Variants in KALRN observed in about 807,000 individuals in gnomAD.
KALRN encodes the protein kalirin.
Under a neutral mutation model 353.7 loss-of-function variants are expected in KALRN, and 70 were observed. That is an observed-to-expected ratio of 0.20 (90% CI 0.16 to 0.24). The LOEUF (loss-of-function observed/expected upper bound fraction) is 0.24, where lower values mean the gene tolerates loss of function less well. KALRN is among the 10% of genes least tolerant of loss of function. The pLI is 1.00. For missense variants in KALRN, 2,791 were observed against 3,756.7 expected, an observed-to-expected ratio of 0.74 and a Z score of 6.72; for synonymous variants, 1,391 against 1,434.8, an observed-to-expected ratio of 0.97 and a Z score of 0.69.
chr3:124,433,596 TAAAAAAAAAAA>T (rs144487793), intron 16 of KALRN, among the ~76,000 whole-genome samples: 1 of 95,142 alleles, frequency 1.1e-5, no homozygotes, highest in African/African-American at 4.0e-5. Context: ...AGACCCTGTC[TAAAAAAAAAAA>T]AAAAAAAAAG....
At chr3:124,411,291 T>A (rs1427733595) in intron 13 of KALRN, among the ~76,000 whole-genome samples, 1 of 152,070 alleles carries the variant, frequency 6.6e-6, no homozygotes, top group African/African-American at 2.4e-5. Context: ...TACATGGGTG[T>A]ATAAAATTGT....
At chr3:124,246,290 T>C (rs554492200) in intron 3 of KALRN, among the ~76,000 whole-genome samples, 1 of 152,372 alleles carries the variant, frequency 6.6e-6, no homozygotes, top group East Asian at 1.9e-4. Flanking sequence ...ATATATTGTG[T>C]ACCTAAACCT....
chr3:124,105,572 G>T (rs562886625), intron 1 of KALRN, among the ~76,000 whole-genome samples: 1 of 152,126 alleles, frequency 6.6e-6, no homozygotes, highest in Non-Finnish European at 1.5e-5. Context: ...TAATAATTTC[G>T]TGGGAATAGA....
intron 6 of KALRN, among the ~76,000 whole-genome samples, chr3:124,314,110 T>C (rs1007419120): frequency 2.0e-5 from 3 of 152,004 alleles, no homozygotes; most frequent in Non-Finnish European, 4.4e-5. Flanking sequence ...CAAATGTCCA[T>C]CAATGATAGA....
At chr3:124,655,456 G>A (rs754640732) in intron 38 of KALRN, 145 bp from the exon 39 acceptor site, 69 of 635,868 alleles carry the variant, frequency 1.1e-4, no homozygotes, top group East Asian at 1.6e-4. Flanking sequence ...GAAAGCATCC[G>A]TAAGCATCTT....
chr3:124,110,991 C>CT (rs1307316936), intron 1 of KALRN, among the ~76,000 whole-genome samples: 9 of 152,252 alleles, frequency 5.9e-5, no homozygotes, highest in African/African-American at 1.4e-4. Context: ...AAGGCAAAAG[C>CT]TTTTTTTGTG....
rs368315453 is a variant in KALRN, at chr3:124,411,219, G to A, written c.2347-2251G>A. On this transcript the variant is annotated intron_variant, in intron 13 of 59. Transcript: ENST00000682506. ...TGGGAAGGGGAGGGATGGATTGGAA[G>A]GGGGCACAAGCAGGTTCTCTAGAGT... Among the ~76,000 whole-genome samples the A allele has an allele frequency of 2.4e-3, 365 of 152,222 alleles. 1 individual carries two copies. The highest frequency in any genetic ancestry group is 8.5e-3 in the African/African-American group (352 of 41,546).
intron 14 of KALRN, among the ~76,000 whole-genome samples, chr3:124,415,096 C>T (rs531927395): frequency 2.6e-5 from 4 of 152,344 alleles, no homozygotes; most frequent in Non-Finnish European, 5.9e-5. Context: ...CTCTGAGACC[C>T]AGGCCTGTTT....
At chr3:124,164,731 A>G (rs2070540544) in intron 1 of KALRN, 1 of 152,124 alleles carries the variant, frequency 6.6e-6, no homozygotes, top group Non-Finnish European at 1.5e-5. Flanking sequence ...TTCCTGTTTT[A>G]TATTTATATT....
chr3:124,237,256 G>T (rs2079892925), intron 3 of KALRN, among the ~76,000 whole-genome samples: 1 of 152,134 alleles, frequency 6.6e-6, no homozygotes, highest in Non-Finnish European at 1.5e-5. Context: ...AGAAGAAATT[G>T]TTTATCTGGG....
intron 25 of KALRN, among the ~76,000 whole-genome samples, chr3:124,468,816 T>G (rs1048250906): frequency 4.6e-5 from 7 of 152,224 alleles, no homozygotes; most frequent in African/African-American, 1.7e-4. Context: ...AAACGCACAC[T>G]TGAAGAGGTA....
In KALRN at chr3:124,064,565, C is replaced by T. The variant is rs79513330; in HGVS notation, c.73+30752C>T. Among the ~76,000 whole-genome samples the T allele has an allele frequency of 2.9e-4, 44 of 152,252 alleles. 1 individual carries two copies. In the East Asian group the frequency reaches 7.7e-3, roughly 27 times the overall value. On this transcript the variant is annotated intron_variant, in intron 1 of 59. Transcript: ENST00000682506. ...GCAACAGTAACTAAGGCCCGTTGCC[C>T]TTGCTGACCTCCCACCGCACACACT...
chr3:124,599,315 C>A (rs949911763), intron 34 of KALRN, among the ~76,000 whole-genome samples: 6 of 152,086 alleles, frequency 3.9e-5, no homozygotes, highest in Non-Finnish European at 7.4e-5. Context: ...AGCTCTCCTG[C>A]CGTTCTTTGG....
intron 1 of KALRN, among the ~76,000 whole-genome samples, chr3:124,038,939 C>T (rs1177668395): frequency 6.6e-6 from 1 of 152,248 alleles, no homozygotes; most frequent in East Asian, 1.9e-4. Context: ...ATTCACAGGG[C>T]ATGGCCCCAG....
intron 13 of KALRN, among the ~76,000 whole-genome samples, chr3:124,399,250 T>C (rs970069698): frequency 1.3e-5 from 2 of 152,236 alleles, no homozygotes; most frequent in African/African-American, 4.8e-5. Flanking sequence ...GCGATTCTTC[T>C]GCCTCAGCCT....
At chr3:124,336,298 T>G (rs554364386) in intron 9 of KALRN, among the ~76,000 whole-genome samples, 1 of 152,154 alleles carries the variant, frequency 6.6e-6, no homozygotes, top group Non-Finnish European at 1.5e-5. Context: ...ATCAGTTGCC[T>G]ACTCCTGCCA....
intron 57 of KALRN, among the ~76,000 whole-genome samples, chr3:124,708,620 C>A (rs2062749105): frequency 6.6e-6 from 1 of 151,648 alleles, no homozygotes; most frequent in African/African-American, 2.4e-5. Context: ...TAGACGTAAC[C>A]CCAGGGACCT....
At chr3:124,542,581 G>A (rs1235159426) in intron 33 of KALRN, among the ~76,000 whole-genome samples, 1 of 152,136 alleles carries the variant, frequency 6.6e-6, no homozygotes, top group African/African-American at 2.4e-5. Flanking sequence ...TGCAGAAATA[G>A]CCCAGAGAGC....
intron 5 of KALRN, among the ~76,000 whole-genome samples, chr3:124,276,955 A>G (rs1348692448): frequency 6.6e-6 from 1 of 152,132 alleles, no homozygotes; most frequent in African/African-American, 2.4e-5. Context: ...ACATGTGCGC[A>G]TGCACACACA....
Sources: gnomAD v4.1 joint callset for allele counts (sites outside exome capture counted in the v4.1 genomes callset) on GRCh38, gnomAD v4.1.1 for gene constraint, MANE v1.5 for transcripts, NCBI Gene and HGNC (gene_info 2026-07-23, HGNC 2026-07-21) for gene names.